Variants in FAM149B1 observed in about 807,000 individuals in gnomAD.
FAM149B1 encodes family with sequence similarity 149 member B1, also known as primary cilium assembly protein FAM149B1.
FAM149B1 carries 56 observed loss-of-function variants against 75.3 expected under a neutral mutation model. That is an observed-to-expected ratio of 0.74 (90% CI 0.60 to 0.93). The LOEUF (loss-of-function observed/expected upper bound fraction) is 0.93, where lower values mean the gene tolerates loss of function less well. Ranked by LOEUF, FAM149B1 falls within the 40% of genes least tolerant of loss-of-function variation. The probability of loss-of-function intolerance (pLI) is 0.00; values close to 1 mark genes in which losing one functional copy is unlikely to be tolerated. For synonymous variants in FAM149B1, 259 were observed against 256.1 expected (o/e 1.01, Z -0.11); for missense variants, 639 against 708.4 (o/e 0.90, Z 1.11).
At chr10:73,204,462 C>CT (rs2043004977) in intron 5 of FAM149B1, among the ~76,000 whole-genome samples, 1 of 152,000 alleles carries the variant, frequency 6.6e-6, no homozygotes, top group South Asian at 2.1e-4. Flanking sequence ...AAAAAAAATA[C>CT]TTAAGGCACA....
intron 13 of FAM149B1, among the ~76,000 whole-genome samples, chr10:73,240,434 T>C (rs192093784): frequency 1.4e-3 from 212 of 152,296 alleles, no homozygotes; most frequent in East Asian, 2.1e-3. Context: ...TATAACTGGC[T>C]GGGCGTGGTG....
intron 7 of FAM149B1, among the ~76,000 whole-genome samples, chr10:73,224,278 A>G (rs1313845461): frequency 6.6e-6 from 1 of 152,166 alleles, no homozygotes; most frequent in Non-Finnish European, 1.5e-5. Context: ...TAAGATGTAA[A>G]TGAATGAGCT....
At chr10:73,231,297 T>C (rs2043691744) in intron 9 of FAM149B1, 1 of 152,194 alleles carries the variant, frequency 6.6e-6, no homozygotes, top group Non-Finnish European at 1.5e-5. Context: ...TAAATATTCT[T>C]GTATAGGTCT....
In FAM149B1 at chr10:73,243,512, T is replaced by C. The variant is rs2043976398; in HGVS notation, c.*2493T>C. The C allele has an allele frequency of 1.2e-6, 2 of 1,614,194 alleles. No individual in the cohort carries two copies. Reference sequence around the variant, plus strand: ...GTCCATTTCCTTTTGCCGATCCTTTTGTCTGCTCTGTTTGAGAAGTTAAAA... The same window carrying C: ...GTCCATTTCCTTTTGCCGATCCTTTCGTCTGCTCTGTTTGAGAAGTTAAAA... On this transcript the variant is annotated 3_prime_UTR_variant, in exon 14 of 14. Transcript: ENST00000242505.
At chr10:73,196,398 A>G (rs1468804149) in intron 5 of FAM149B1, among the ~76,000 whole-genome samples, 1 of 151,830 alleles carries the variant, frequency 6.6e-6, no homozygotes, top group Admixed American at 6.6e-5. Flanking sequence ...CAGAGCTCAC[A>G]GCAGCCTTGA....
At chr10:73,177,206 A>C (rs949971137) in intron 2 of FAM149B1, among the ~76,000 whole-genome samples, 31 of 151,882 alleles carry the variant, frequency 2.0e-4, no homozygotes, top group Non-Finnish European at 4.4e-5. Flanking sequence ...CCCATCTCAA[A>C]AAATAAAAAA....
rs148592896 is a variant in FAM149B1 at position 73,191,654 on chromosome 10, G to A, written c.283-902G>A. ...GTGCCTGGCCTGACTATTCTTAAAG[G>A]CTGGATTACAGAGGTCAAGGACATA... On this transcript the variant is annotated intron_variant, in intron 3 of 13. Coordinates refer to ENST00000242505, the MANE Select transcript of FAM149B1 (RefSeq NM_173348.2). 5.4e-3 allele frequency among the ~76,000 whole-genome samples: 822 copies of A among 151,960 alleles called. 4 individuals carry two copies. The highest frequency in any genetic ancestry group is 0.01 in the Middle Eastern group (3 of 294).
intron 6 of FAM149B1, 30 bp downstream of exon 6, chr10:73,208,816 T>TCC (rs1440031579): frequency 7.3e-7 from 1 of 1,361,826 alleles, no homozygotes; most frequent in Admixed American, 3.0e-5. Context: ...AGCTTTTTAC[T>TCC]CCCCTCTTAT....
Position 73,239,311 on chromosome 10 carries a change from G to A in FAM149B1, c.1603-1G>A. 6.4e-7 allele frequency: 1 copy of A among 1,551,320 alleles called. No homozygotes were observed. Among genetic ancestry groups the A allele is most frequent in the Non-Finnish European group, 8.7e-7 (1 of 1,146,680 alleles). ...GAAGTGTCTCCTCTTTTGTCTTGTA[G>A]CTGGATACACAGTATCGTCGCTCAT... On this transcript the variant is annotated splice_acceptor_variant, in intron 12 of 13. Transcript: ENST00000242505. LOFTEE classifies it high-confidence loss of function.
chr10:73,235,418 ACCCAGAATAAAAG>A, intron 12 of FAM149B1, 100 bp downstream of exon 12: 1 of 1,487,404 alleles, frequency 6.7e-7, no homozygotes, highest in South Asian at 1.4e-5. Context: ...TAGAGGCTTA[ACCCAGAATAAAAG>A]TTGAGTTTCC....
chr10:73,210,938 GT>G (rs1175510649), intron 7 of FAM149B1, among the ~76,000 whole-genome samples: 1 of 152,092 alleles, frequency 6.6e-6, no homozygotes, highest in African/African-American at 2.4e-5. Flanking sequence ...AGTAGGTAGG[GT>G]TTTTTCCCCC....
At chr10:73,214,215 T>A (rs2043247932) in intron 7 of FAM149B1, among the ~76,000 whole-genome samples, 1 of 152,214 alleles carries the variant, frequency 6.6e-6, no homozygotes, top group Non-Finnish European at 1.5e-5. Flanking sequence ...AGTTTTTTGG[T>A]AGAATCTTTC....
intron 1 of FAM149B1, among the ~76,000 whole-genome samples, chr10:73,169,583 A>C (rs1387977938): frequency 6.6e-6 from 1 of 151,496 alleles, no homozygotes; most frequent in African/African-American, 2.4e-5. Context: ...TAGCCTCTTG[A>C]GTAGCTGAGA....
At chr10:73,177,038 CA>C (rs149399814) in intron 2 of FAM149B1, among the ~76,000 whole-genome samples, 2,212 of 150,632 alleles carry the variant, frequency 0.015, 43 homozygotes, top group African/African-American at 0.045. Flanking sequence ...AAAAACAAAA[CA>C]AAAGTACAAA....
chr10:73,230,095 T>C (rs2043649584), intron 8 of FAM149B1, among the ~76,000 whole-genome samples: 1 of 152,190 alleles, frequency 6.6e-6, no homozygotes, highest in Non-Finnish European at 1.5e-5. Flanking sequence ...TTCCATATTT[T>C]GTCTGTGAGT....
intron 7 of FAM149B1, among the ~76,000 whole-genome samples, chr10:73,217,774 G>A (rs774383481): frequency 1.6e-4 from 24 of 152,096 alleles, no homozygotes; most frequent in Non-Finnish European, 2.9e-4. Context: ...CTCAGAGTGG[G>A]GGAATTACAC....
chr10:73,240,687 T>TG (rs369444900), intron 13 of FAM149B1, among the ~76,000 whole-genome samples: 24 of 142,646 alleles, frequency 1.7e-4, no homozygotes, highest in African/African-American at 6.4e-4. Flanking sequence ...ACCTCCAGCC[T>TG]GGGGGGACAG....
intron 6 of FAM149B1, among the ~76,000 whole-genome samples, chr10:73,209,550 C>A (rs911215265): frequency 2.6e-5 from 4 of 152,184 alleles, no homozygotes; most frequent in Non-Finnish European, 5.9e-5. Flanking sequence ...CTATTTATAT[C>A]TATTCTAACT....
rs575535158 is a variant in FAM149B1, at chr10:73,228,142, G to A, written c.981G>A (p.Pro327=). 18 of 1,551,492 alleles carry A rather than the reference G, an allele frequency of 1.2e-5. No homozygotes were observed. Among genetic ancestry groups the A allele is most frequent in the East Asian group, 2.4e-5 (1 of 40,914 alleles). Residue 327 remains proline, a synonymous_variant, in exon 8 of 14, where the codon CCG becomes CCA. Transcript: ENST00000242505. ...GTGAACTACATCCTTTGGTGTTACC[G>A]CGAGTGCCACAGTCTAAGGTGCTGT... ...VLSELHPLVL[P]RVPQSKVLYI...
Sources: allele counts gnomAD v4.1 joint callset (sites outside exome capture counted in the v4.1 genomes callset), GRCh38; gene constraint gnomAD v4.1.1; transcripts MANE v1.5; gene names NCBI Gene and HGNC (gene_info 2026-07-23, HGNC 2026-07-21).